The following ANKS1B variants were observed in gnomAD, a reference collection of about 807,000 sequenced individuals.
ANKS1B encodes ankyrin repeat and sterile alpha motif domain-containing protein 1B.
ANKS1B carries 36 observed loss-of-function variants against 148.3 expected under a neutral mutation model. That is an observed-to-expected ratio of 0.24 (90% CI 0.19 to 0.32). ANKS1B has a LOEUF of 0.32. Ranked by LOEUF, ANKS1B falls within the 10% of genes least tolerant of loss-of-function variation. The pLI is 1.00. For missense variants in ANKS1B, 1,157 were observed against 1,542.6 expected (o/e 0.75, Z 4.19); for synonymous variants, 542 against 560.8 (o/e 0.97, Z 0.47).
rs2098260895 is a variant in ANKS1B at position 99,638,116 on chromosome 12, G to A, written c.1272+16951C>T. Among the ~76,000 whole-genome samples the A allele has an allele frequency of 2.0e-5, 3 of 151,986 alleles. No individual in the cohort carries two copies. In the South Asian group the frequency reaches 6.2e-4, roughly 32 times the overall value. On this transcript the variant is annotated intron_variant, in intron 9 of 26. Coordinates refer to ENST00000683438, the MANE Select transcript of ANKS1B (RefSeq NM_001352186.2). ...GAAGAACATATTTGTTTCCCTTTCT[G>A]CCACGAACTAATATAGTAAATTGGT... is the stretch of plus-strand genomic sequence containing the variant.
chr12:99,921,548 A>G (rs1443570669), intron 1 of ANKS1B, among the ~76,000 whole-genome samples: 1 of 152,158 alleles, frequency 6.6e-6, no homozygotes, highest in Non-Finnish European at 1.5e-5. Context: ...TCTTTACAGA[A>G]CATGAGACTC....
chr12:99,213,361 G>A (rs1450186396), intron 14 of ANKS1B, among the ~76,000 whole-genome samples: 1 of 152,166 alleles, frequency 6.6e-6, no homozygotes, highest in Non-Finnish European at 1.5e-5. Flanking sequence ...TCACCTGCCT[G>A]CATTCCCCCT....
chr12:99,495,342 A>AGT (rs56107230), intron 10 of ANKS1B, among the ~76,000 whole-genome samples: 26,009 of 145,188 alleles, frequency 0.18, 2,240 homozygotes, highest in South Asian at 0.26. Flanking sequence ...GGGGAGAAAA[A>AGT]GTGTGTGTGT....
At chr12:99,003,025 T>C (rs1201244960) in intron 17 of ANKS1B, among the ~76,000 whole-genome samples, 6 of 152,218 alleles carry the variant, frequency 3.9e-5, no homozygotes, top group African/African-American at 1.4e-4. Flanking sequence ...GTGTAAGATA[T>C]GGATCCAAAT....
chr12:99,374,792 G>A (rs1406182310), intron 12 of ANKS1B, among the ~76,000 whole-genome samples: 1 of 152,086 alleles, frequency 6.6e-6, no homozygotes, highest in African/African-American at 2.4e-5. Flanking sequence ...GGTATGCCAA[G>A]TTTTGTTGTT....
intron 12 of ANKS1B, among the ~76,000 whole-genome samples, chr12:99,306,129 T>G (rs557023539): frequency 6.6e-6 from 1 of 152,116 alleles, no homozygotes; most frequent in Non-Finnish European, 1.5e-5. Context: ...GTCTTAGTGT[T>G]GTGCTTCAAT....
At chr12:99,157,844 T>A (rs1043813238) in intron 14 of ANKS1B, among the ~76,000 whole-genome samples, 1 of 152,114 alleles carries the variant, frequency 6.6e-6, no homozygotes, top group African/African-American at 2.4e-5. Context: ...AGACAGTATA[T>A]TTGTGGTGGG....
At chr12:98,813,592 G>GA (rs1244153287) in intron 19 of ANKS1B, among the ~76,000 whole-genome samples, 1 of 151,806 alleles carries the variant, frequency 6.6e-6, no homozygotes, top group African/African-American at 2.4e-5. Context: ...ACCCAGGCTG[G>GA]AGTACAGTGG....
intron 17 of ANKS1B, among the ~76,000 whole-genome samples, chr12:98,847,674 C>A (rs1322882573): frequency 6.6e-6 from 1 of 152,164 alleles, no homozygotes; most frequent in African/African-American, 2.4e-5. Context: ...TGGCTCACTG[C>A]AACTTCTGCC....
intron 8 of ANKS1B, among the ~76,000 whole-genome samples, chr12:99,734,732 T>C (rs2059462364): frequency 6.6e-6 from 1 of 152,212 alleles, no homozygotes; most frequent in Admixed American, 6.5e-5. Context: ...CTTTTTCACC[T>C]CCAAGTCACT....
chr12:99,730,941 T>C (rs2059081904), intron 8 of ANKS1B, among the ~76,000 whole-genome samples: 1 of 152,160 alleles, frequency 6.6e-6, no homozygotes, highest in South Asian at 2.1e-4. Flanking sequence ...CTTTTGTTTG[T>C]TTGCTTGTTT....
intron 17 of ANKS1B, among the ~76,000 whole-genome samples, chr12:98,866,226 G>A (rs981154986): frequency 2.6e-5 from 4 of 152,164 alleles, no homozygotes; most frequent in African/African-American, 9.7e-5. Context: ...TGTTGCTCGA[G>A]CAGTCACAGC....
At chr12:99,718,045 A>G (rs2057605589) in intron 8 of ANKS1B, among the ~76,000 whole-genome samples, 1 of 151,180 alleles carries the variant, frequency 6.6e-6, no homozygotes, top group Non-Finnish European at 1.5e-5. Flanking sequence ...CTGGGACTAC[A>G]GGCGCCCGCT....
At chr12:99,717,899 CTTTTTTTTTTT>C (rs943618905) in intron 8 of ANKS1B, among the ~76,000 whole-genome samples, 5 of 111,088 alleles carry the variant, frequency 4.5e-5, no homozygotes, top group Non-Finnish European at 8.8e-5. Flanking sequence ...AGACAATACT[CTTTTTTTTTTT>C]TTTTTTTTTT....
chr12:99,329,564 T>C (rs188008501), intron 12 of ANKS1B, among the ~76,000 whole-genome samples: 60 of 152,014 alleles, frequency 3.9e-4, no homozygotes, highest in Non-Finnish European at 6.2e-4. Context: ...GTACAGTATA[T>C]GTAGTATGCA....
At chr12:99,638,106 T>G (rs1441316729) in intron 9 of ANKS1B, among the ~76,000 whole-genome samples, 1 of 152,104 alleles carries the variant, frequency 6.6e-6, no homozygotes, top group Non-Finnish European at 1.5e-5. Context: ...ACATATTTGT[T>G]TCCCTTTCTG....
chr12:99,927,760 C>A (rs560777679), intron 1 of ANKS1B, among the ~76,000 whole-genome samples: 30 of 151,624 alleles, frequency 2.0e-4, no homozygotes, highest in Non-Finnish European at 3.4e-4. Flanking sequence ...CTAGCCTGGG[C>A]AACACAGTGA....
chr12:99,878,586 A>C (rs1424353754), intron 1 of ANKS1B, among the ~76,000 whole-genome samples: 1 of 152,172 alleles, frequency 6.6e-6, no homozygotes, highest in African/African-American at 2.4e-5. Context: ...AGAGCTCCTA[A>C]AAGTCAAAGG....
At chr12:99,363,617 T>C (rs2152437217) in intron 12 of ANKS1B, among the ~76,000 whole-genome samples, 1 of 152,270 alleles carries the variant, frequency 6.6e-6, no homozygotes, top group Admixed American at 6.5e-5. Flanking sequence ...TTTCAGAGCC[T>C]GTACCTAATG....
Sources: allele counts gnomAD v4.1 joint callset (sites outside exome capture counted in the v4.1 genomes callset), GRCh38; gene constraint gnomAD v4.1.1; transcripts MANE v1.5; gene names NCBI Gene and HGNC (gene_info 2026-07-23, HGNC 2026-07-21).